WDTC1: variants seen among roughly 807,000 people sequenced by gnomAD.
WDTC1 encodes WD and tetratricopeptide repeats protein 1.
Under a neutral mutation model 76.0 loss-of-function variants are expected in WDTC1, and 12 were observed. The observed-to-expected ratio is 0.16, with a 90% CI of 0.10 to 0.26. The LOEUF (loss-of-function observed/expected upper bound fraction) is 0.26. Among genes scored for constraint, WDTC1 ranks in the 10% least tolerant of loss-of-function variants. The probability of loss-of-function intolerance (pLI) is 1.00; values close to 1 mark genes in which losing one functional copy is unlikely to be tolerated. For missense variants in WDTC1, 511 were observed against 908.8 expected, an observed-to-expected ratio of 0.56 and a Z score of 5.63; for synonymous variants, 326 against 350.8, an observed-to-expected ratio of 0.93 and a Z score of 0.79.
At chr1:27,272,284 T>A (rs1025722020) in intron 3 of WDTC1, among the ~76,000 whole-genome samples, 7 of 151,706 alleles carry the variant, frequency 4.6e-5, no homozygotes, top group African/African-American at 1.7e-4. Context: ...GAGACAAGGT[T>A]TTGCTGTGTT....
intron 1 of WDTC1, among the ~76,000 whole-genome samples, chr1:27,240,186 C>T (rs1418318105): frequency 6.6e-6 from 1 of 152,144 alleles, no homozygotes; most frequent in African/African-American, 2.4e-5. Flanking sequence ...CCACCAGGCC[C>T]AGCTCTACTT....
intron 9 of WDTC1, among the ~76,000 whole-genome samples, chr1:27,294,831 T>G (rs2013640933): frequency 6.6e-6 from 1 of 152,250 alleles, no homozygotes; most frequent in Non-Finnish European, 1.5e-5. Flanking sequence ...TCATTTTTTC[T>G]TAATGAACTA....
rs1314081591 is a variant in WDTC1 at position 27,269,957 on chromosome 1, GAC to G, written c.132+6724_132+6725del. On this transcript the variant is annotated intron_variant, in intron 3 of 15. Transcript: ENST00000319394. ...TTGTTGTTGTTGTTGTTGTTTTTGA[GAC>G]AGAGTCTTGCTCTGTCACCCAGGCT... Among the ~76,000 whole-genome samples the G allele has an allele frequency of 5.4e-5, 8 of 146,884 alleles. No individual in the cohort carries two copies. The East Asian group carries it at 1.6e-3, about 29-fold the overall frequency.
intron 1 of WDTC1, among the ~76,000 whole-genome samples, chr1:27,250,366 T>G (rs1370437741): frequency 6.6e-6 from 1 of 152,020 alleles, no homozygotes; most frequent in Non-Finnish European, 1.5e-5. Context: ...ACCAGGCTGG[T>G]CTCAAATTCC....
chr1:27,287,092 G>C (rs1231990381), intron 5 of WDTC1, among the ~76,000 whole-genome samples: 2 of 151,560 alleles, frequency 1.3e-5, no homozygotes, highest in African/African-American at 4.8e-5. Context: ...GAACCCGGGA[G>C]GTGGAAGTTG....
intron 1 of WDTC1, among the ~76,000 whole-genome samples, chr1:27,244,219 T>A (rs574511127): frequency 3.3e-5 from 5 of 151,946 alleles, no homozygotes; most frequent in South Asian, 2.1e-4. Context: ...GAAAAAAAAA[T>A]TTAAAAGAAA....
chr1:27,280,900 C>G (rs1181368619), intron 3 of WDTC1, among the ~76,000 whole-genome samples: 1 of 152,182 alleles, frequency 6.6e-6, no homozygotes, highest in African/African-American at 2.4e-5. Flanking sequence ...CTTCCTAAAG[C>G]CTGACATTCC....
chr1:27,259,576 T>C (rs2012408209), intron 1 of WDTC1, among the ~76,000 whole-genome samples: 2 of 149,978 alleles, frequency 1.3e-5, no homozygotes, highest in Admixed American at 6.6e-5. Context: ...TTCTCCTGTC[T>C]CAGCCTCCTG....
rs1431077121 is a variant in WDTC1, at chr1:27,234,892, C to A, written c.-159C>A. ...CTTCCCGGGAGAGGGGCCGCCCCCC[C>A]CGGACGGACATGGGCTCCTGAAGTT... On this transcript the variant is annotated 5_prime_UTR_variant, in exon 1 of 16. Coordinates refer to ENST00000319394, the MANE Select transcript of WDTC1 (RefSeq NM_001276252.2). 7.6e-6 allele frequency: 3 copies of A among 395,670 alleles called. No individual in the cohort carries two copies. The highest frequency in any genetic ancestry group is 1.3e-5 in the Non-Finnish European group (3 of 224,246). The allele number at this position is 395,670 out of a possible 1,614,324, so 24.5% of individuals were successfully genotyped here. A position where few individuals can be genotyped will look rare whatever the true frequency, so the allele number is the denominator to read the frequency against.
chr1:27,282,493 C>CTGTTT (rs945330164), intron 4 of WDTC1, among the ~76,000 whole-genome samples: 143 of 152,146 alleles, frequency 9.4e-4, no homozygotes, highest in African/African-American at 1.5e-3. Context: ...CATCCAAACC[C>CTGTTT]TGTTTTGTTT....
intron 3 of WDTC1, 54 bp downstream of exon 3, chr1:27,263,289 C>T (rs2012543714): frequency 1.3e-6 from 2 of 1,562,214 alleles, no homozygotes; most frequent in African/African-American, 1.4e-5. Flanking sequence ...CCATTCTCTG[C>T]CTGCAGAAAT....
intron 3 of WDTC1, among the ~76,000 whole-genome samples, chr1:27,278,817 A>G (rs2013107850): frequency 6.6e-6 from 1 of 152,244 alleles, no homozygotes; most frequent in South Asian, 2.1e-4. Flanking sequence ...TCTAAAGTAT[A>G]TCCAGGCCAG....
intron 3 of WDTC1, among the ~76,000 whole-genome samples, chr1:27,275,055 G>T (rs2012982954): frequency 6.6e-6 from 1 of 152,242 alleles, no homozygotes. Flanking sequence ...TTTAAAAATG[G>T]CTTAATAGAT....
At chr1:27,260,692 TTA>T (rs2012450126) in intron 1 of WDTC1, among the ~76,000 whole-genome samples, 2 of 152,234 alleles carry the variant, frequency 1.3e-5, no homozygotes, top group African/African-American at 4.8e-5. Context: ...TCCTTCATAC[TTA>T]TACACAACCT....
At chr1:27,278,543 T>A (rs2013096259) in intron 3 of WDTC1, among the ~76,000 whole-genome samples, 1 of 152,222 alleles carries the variant, frequency 6.6e-6, no homozygotes, top group South Asian at 2.1e-4. Flanking sequence ...TGCCATGACC[T>A]GTAAAACACC....
Position 27,306,393 on chromosome 1 carries a change from C to G in WDTC1, c.*10C>G. The G allele has an allele frequency of 6.2e-7, 1 of 1,608,410 alleles. No individual in the cohort carries two copies. Among genetic ancestry groups the G allele is most frequent in the Non-Finnish European group, 8.5e-7 (1 of 1,178,788 alleles). ...GTGCCGGCCCAGCTAGACCCTCCAGCCCTGGTCCCCAGCCCCTGCTACTGG... is the reference window on the plus strand; with the variant it reads ...GTGCCGGCCCAGCTAGACCCTCCAGGCCTGGTCCCCAGCCCCTGCTACTGG... On this transcript the variant is annotated 3_prime_UTR_variant, in exon 16 of 16. Transcript: ENST00000319394. The surrounding 1 kb of genome is among the most constrained non-coding windows in gnomAD (Gnocchi z 5.0).
rs189246740 is a variant in WDTC1, at chr1:27,243,175, G to A, written c.-100+8224G>A. On this transcript the variant is annotated intron_variant, in intron 1 of 15. Transcript: ENST00000319394. ...GTATCAATACTGATATTACAGGTGT[G>A]AGCCGCTGCTCCCTGGCCAGTAATT... Among the ~76,000 whole-genome samples the A allele has an allele frequency of 4.2e-3, 625 of 149,882 alleles. 3 individuals are homozygous for A. Among genetic ancestry groups the A allele is most frequent in the Non-Finnish European group, 6.9e-3 (469 of 67,692 alleles).
At chr1:27,296,927 T>A (rs1161468819) in intron 10 of WDTC1, 121 bp from the exon 11 acceptor site, 3 of 877,162 alleles carry the variant, frequency 3.4e-6, no homozygotes, top group Non-Finnish European at 5.4e-6. Flanking sequence ...TGGATCTTAC[T>A]CTGGGAGAAC....
intron 6 of WDTC1, 69 bp from the exon 7 acceptor site, chr1:27,292,146 T>G: frequency 7.1e-7 from 1 of 1,407,424 alleles, no homozygotes; most frequent in East Asian, 2.6e-5. Context: ...TAACAAGAAC[T>G]TATCTTTTCC....
Sources: allele counts gnomAD v4.1 joint callset (sites outside exome capture counted in the v4.1 genomes callset), GRCh38; gene constraint gnomAD v4.1.1; non-coding constraint Gnocchi (gnomAD v3.1); transcripts MANE v1.5; gene names NCBI Gene and HGNC (gene_info 2026-07-23, HGNC 2026-07-21).